ATP13A5: variants seen among roughly 807,000 people sequenced by gnomAD.
ATP13A5 encodes ATPase 13A5, also known as probable cation-transporting ATPase 13A5.
A neutral mutation model predicts 150.2 loss-of-function variants in ATP13A5; 149 were observed. The observed-to-expected ratio is 0.99, with a 90% CI of 0.87 to 1.14. The LOEUF is 1.14. Among genes scored for constraint, ATP13A5 ranks in the 50% most tolerant of loss-of-function variants. ATP13A5 has a pLI of 0.00. For synonymous variants in ATP13A5, 497 were observed against 522.2 expected (o/e 0.95, Z 0.66); for missense variants, 1,383 against 1,449.3 (o/e 0.95, Z 0.74).
In ATP13A5 at chr3:193,326,674, C is replaced by T. The variant is rs147813541; in HGVS notation, c.1523+322G>A. The stretch of plus-strand genomic sequence containing the variant: ...TAGACTGTGAAACACCACCTGCCTG[C>T]GCTAGCCACCCAGGAAGTTTTGTAG... On this transcript the variant is annotated intron_variant, in intron 13 of 29. Coordinates refer to ENST00000342358, the MANE Select transcript of ATP13A5 (RefSeq NM_198505.4). Among the ~76,000 whole-genome samples the T allele has an allele frequency of 9.4e-3, 1,431 of 152,254 alleles. 13 individuals are homozygous for T. Among genetic ancestry groups the T allele is most frequent in the Non-Finnish European group, 0.011 (773 of 68,022 alleles).
chr3:193,283,551 A>G (rs1165482812), intron 27 of ATP13A5, among the ~76,000 whole-genome samples: 1 of 152,182 alleles, frequency 6.6e-6, no homozygotes, highest in African/African-American at 2.4e-5. Context: ...CTGTTTTCTA[A>G]AATCTTATCA....
chr3:193,305,844 G>A (rs1718593688), intron 22 of ATP13A5, among the ~76,000 whole-genome samples, 176 bp from the exon 23 acceptor site: 1 of 152,036 alleles, frequency 6.6e-6, no homozygotes, highest in South Asian at 2.1e-4. Flanking sequence ...GATCCACAAA[G>A]TCACTAACTA....
chr3:193,363,575 C>A (rs572011512), intron 2 of ATP13A5, among the ~76,000 whole-genome samples, 193 bp from the exon 3 acceptor site: 1 of 152,172 alleles, frequency 6.6e-6, no homozygotes, highest in African/African-American at 2.4e-5. Context: ...GTGGGGCCAG[C>A]ATCCTTGTTT....
chr3:193,279,687 T>G (rs1337956756), intron 27 of ATP13A5, among the ~76,000 whole-genome samples: 1 of 152,166 alleles, frequency 6.6e-6, no homozygotes, highest in African/African-American at 2.4e-5. Flanking sequence ...TGTATTAAAG[T>G]AACCTCCATA....
At chr3:193,353,217 T>G (rs1471566121) in intron 6 of ATP13A5, among the ~76,000 whole-genome samples, 3 of 150,458 alleles carry the variant, frequency 2.0e-5, no homozygotes, top group Admixed American at 1.3e-4. Flanking sequence ...AGGGACCACA[T>G]AGGGGCCAAC....
chr3:193,324,255 G>C (rs189746694), intron 14 of ATP13A5, among the ~76,000 whole-genome samples: 475 of 152,274 alleles, frequency 3.1e-3, no homozygotes, highest in Non-Finnish European at 5.9e-3. Context: ...TTGGAATGCA[G>C]TCCTCCAGTT....
chr3:193,346,263 T>C (rs553250932), intron 7 of ATP13A5, among the ~76,000 whole-genome samples: 14 of 152,278 alleles, frequency 9.2e-5, no homozygotes, highest in South Asian at 2.1e-4. Context: ...TGAGAGCACG[T>C]TAACTGGAAA....
chr3:193,317,746 C>T (rs1268976504), intron 17 of ATP13A5, among the ~76,000 whole-genome samples: 3 of 152,006 alleles, frequency 2.0e-5, no homozygotes, highest in Non-Finnish European at 4.4e-5. Flanking sequence ...CCAAAAAAAC[C>T]TGGAATGGTT....
chr3:193,299,176 A>G lies in ATP13A5; in HGVS notation c.2803T>C (p.Tyr935His), dbSNP rs761973937. The change falls in exon 25 of 30, where the codon TAT becomes CAT. Residue 935 changes from tyrosine (Y) to histidine (H), a missense_variant. By Grantham distance (83) the Tyr-to-His change is moderately conservative (BLOSUM62 2). Transcript: ENST00000342358. ...GTAATGGCTACATCTTGCATGAGAT[A>G]CTGGTAATTTCCAAAGAGTTGTAGT... ...WQLQLFGNYQ[Y>H]LMQDVAITLM... The G allele has an allele frequency of 6.2e-7, 1 of 1,610,402 alleles. No individual in the cohort carries two copies. The highest frequency in any genetic ancestry group is 1.7e-5 in the Admixed American group (1 of 59,270).
rs573035214 is a variant in ATP13A5 at position 193,374,366 on chromosome 3, G to A, written c.63+4297C>T. ...TGGGAAATAAGGTGCATTGTGGCTG[G>A]GTGAGGTGGCTCATGCCTATAATCC... On this transcript the variant is annotated intron_variant, in intron 1 of 29. Transcript: ENST00000342358. Among the ~76,000 whole-genome samples, 6 of 150,274 alleles carry A rather than the reference G, an allele frequency of 4.0e-5. No homozygotes were observed. In the South Asian group the frequency reaches 1.1e-3, roughly 27 times the overall value.
At chr3:193,345,417 C>G (rs1162331144) in intron 7 of ATP13A5, among the ~76,000 whole-genome samples, 2 of 152,124 alleles carry the variant, frequency 1.3e-5, no homozygotes, top group Non-Finnish European at 2.9e-5. Flanking sequence ...AAAAGTGATT[C>G]GCATATCAGG....
At chr3:193,285,739 C>T (rs532756679) in intron 26 of ATP13A5, among the ~76,000 whole-genome samples, 26 of 152,228 alleles carry the variant, frequency 1.7e-4, no homozygotes, top group Admixed American at 1.6e-3. Context: ...ATTTGCATAC[C>T]TGTTGGGTTG....
rs144965247 is a variant in ATP13A5 at position 193,343,983 on chromosome 3, G to A, written c.887C>T (p.Pro296Leu). 8.7e-5 allele frequency: 141 copies of A among 1,613,404 alleles called. No homozygotes were observed. In the African/African-American group the frequency reaches 1.8e-3, roughly 20 times the overall value. Residue 296 changes from proline (P) to leucine (L), a missense_variant, in exon 9 of 30, where the codon CCA becomes CTA. Pro to Leu is a moderately conservative substitution (Grantham distance 98). Transcript: ENST00000342358. ...ILILPGKFSLPCDAVLIDGSC... is the reference protein window; with the variant it reads ...ILILPGKFSLLCDAVLIDGSC... ...TCCATCAATCAAAACAGCATCACAT[G>A]GCAATGAAAATTTTCCTGGAAGAAT...
At chr3:193,279,336 A>G (rs1209545878) in intron 28 of ATP13A5, 30 bp downstream of exon 28, 2 of 1,522,470 alleles carry the variant, frequency 1.3e-6, no homozygotes, top group Admixed American at 3.3e-5. Context: ...TACATGAGTC[A>G]TGCCAGATGT....
At chr3:193,314,281 T>A in intron 18 of ATP13A5, 88 bp from the exon 19 acceptor site, 4 of 1,435,698 alleles carry the variant, frequency 2.8e-6, no homozygotes, top group African/African-American at 2.8e-5. Context: ...CTCTGCTTGG[T>A]GTTCTTTGAG....
chr3:193,364,920 T>C (rs975335306), intron 1 of ATP13A5, among the ~76,000 whole-genome samples: 2 of 152,220 alleles, frequency 1.3e-5, no homozygotes, highest in Non-Finnish European at 2.9e-5. Context: ...GGACTCTCAC[T>C]AGTAGGTTAG....
At chr3:193,363,071 G>A (rs1303168025) in intron 3 of ATP13A5, among the ~76,000 whole-genome samples, 165 bp downstream of exon 3, 1 of 152,132 alleles carries the variant, frequency 6.6e-6, no homozygotes, top group Admixed American at 6.5e-5. Flanking sequence ...CAAAAGTGCC[G>A]GGATTACAGA....
At position 193,311,865 on chromosome 3, in the gene ATP13A5, C is replaced by T. The variant is rs370197298; in HGVS notation, c.2396G>A (p.Gly799Glu). The change falls in exon 20 of 30, where the codon GGG becomes GAG. Residue 799 changes from glycine to glutamate, a missense_variant. Transcript: ENST00000342358. ...CTGAAATATCACTTGGTATGATTTC[C>T]CACTCATTGCAAAATGGTAACAGCT... Reference protein sequence around the residue: ...GGSCYHFAMSGKSYQVIFQHF... With the variant: ...GGSCYHFAMSEKSYQVIFQHF... The T allele has an allele frequency of 6.2e-7, 1 of 1,613,758 alleles. No individual in the cohort carries two copies. Among genetic ancestry groups the T allele is most frequent in the South Asian group, 1.1e-5 (1 of 91,058 alleles).
At chr3:193,342,516 C>T (rs1187229350) in intron 9 of ATP13A5, among the ~76,000 whole-genome samples, 2 of 152,182 alleles carry the variant, frequency 1.3e-5, no homozygotes, top group Non-Finnish European at 2.9e-5. Context: ...ACTTAAGTTA[C>T]ACAGATATTA....
Sources: gnomAD v4.1 joint callset for allele counts (sites outside exome capture counted in the v4.1 genomes callset) on GRCh38, gnomAD v4.1.1 for gene constraint, MANE v1.5 for transcripts, NCBI Gene and HGNC (gene_info 2026-07-23, HGNC 2026-07-21) for gene names.